SLC38A10: variants seen among roughly 807,000 people sequenced by gnomAD.
The protein encoded by SLC38A10 is solute carrier family 38 member 10, also known as Sodium-coupled neutral amino acid transporter 10.
In SLC38A10, 53 loss-of-function variants were observed where a neutral mutation model predicts 81.0. The ratio of observed to expected loss-of-function variants is 0.65; its 90% CI spans 0.53 to 0.82. The LOEUF is 0.82. SLC38A10 is among the 40% of genes least tolerant of loss of function. The pLI is 0.00. For missense variants in SLC38A10, 1,471 were observed against 1,545.0 expected, an observed-to-expected ratio of 0.95 and a Z score of 0.80; for synonymous variants, 665 against 655.3, an observed-to-expected ratio of 1.01 and a Z score of -0.23.
Position 81,289,933 on chromosome 17 carries a change from C to T in SLC38A10, c.100-125G>A, listed in dbSNP as rs553535240. 4.2e-4 allele frequency: 300 copies of T among 721,106 alleles called. No individual in the cohort carries two copies. In the African/African-American group the frequency reaches 4.6e-3, roughly 11 times the overall value. 44.7% of individuals were successfully genotyped at this position (721,106 alleles called of 1,614,324 possible). On this transcript the variant is annotated intron_variant, in intron 1 of 15. Coordinates refer to ENST00000374759, the MANE Select transcript of SLC38A10 (RefSeq NM_001037984.3). The surrounding 1 kb of genome is among the most constrained non-coding windows in gnomAD (Gnocchi z 5.9). ...GCCCCGCTCCATCCCAGTCTCCTGC[C>T]GAACGCGACACTTCCTAGCACTGAA...
In SLC38A10 at chr17:81,246,550, C is replaced by T. The variant is rs770211477; in HGVS notation, c.2366G>A (p.Gly789Glu). Residue 789 changes from glycine to glutamate, a missense_variant, in exon 16 of 16, where the codon GGG becomes GAG. Gly to Glu is a moderately conservative substitution (Grantham distance 98). Coordinates refer to ENST00000374759, the MANE Select transcript of SLC38A10 (RefSeq NM_001037984.3). The part of the protein sequence containing the change: ...LPLDPVLRAP[G>E]GRPAPSQDLN... ...GTCCTGGGATGGAGCAGGGCGGCCCCCAGGAGCTCTGAGGACAGGGTCCAA... is the reference window on the plus strand; with the variant it reads ...GTCCTGGGATGGAGCAGGGCGGCCCTCAGGAGCTCTGAGGACAGGGTCCAA... 6.6e-7 allele frequency: 1 copy of T among 1,515,960 alleles called. No individual in the cohort carries two copies. Among genetic ancestry groups the T allele is most frequent in the Non-Finnish European group, 8.8e-7 (1 of 1,133,774 alleles). The allele number at this position is 1,515,960 out of a possible 1,614,324, so 93.9% of individuals were successfully genotyped here. A position where few individuals can be genotyped will look rare whatever the true frequency, so the allele number is the denominator to read the frequency against.
At chr17:81,293,855 A>C (rs1427468778) in intron 1 of SLC38A10, among the ~76,000 whole-genome samples, 3 of 152,220 alleles carry the variant, frequency 2.0e-5, no homozygotes, top group Admixed American at 2.0e-4. Flanking sequence ...TTCTTTTCCA[A>C]AGCACTAAAT....
rs1439626442 is a variant in SLC38A10, at chr17:81,253,809, C to T, written c.1289-569G>A. Among the ~76,000 whole-genome samples the T allele has an allele frequency of 7.1e-6, 1 of 140,586 alleles. No homozygotes were observed. The highest frequency in any genetic ancestry group is 7.0e-5 in the Admixed American group (1 of 14,210). The allele number at this position is 140,586 out of a possible 152,430, so 92.2% of individuals were successfully genotyped here. A position where few individuals can be genotyped will look rare whatever the true frequency, so the allele number is the denominator to read the frequency against. ...TCCCTACCACCATCACCATCATCAT[C>T]ACCGTCACCATCATCACCATCACCG... On this transcript the variant is annotated intron_variant, in intron 11 of 15. Coordinates refer to ENST00000374759, the MANE Select transcript of SLC38A10 (RefSeq NM_001037984.3). This position sits in a 1 kb window ranked among gnomAD's most constrained non-coding sequence, Gnocchi z 4.1.
chr17:81,283,166 C>T lies in SLC38A10; in HGVS notation c.357+243G>A, dbSNP rs1488144004. Among the ~76,000 whole-genome samples, 1 of 152,136 alleles carries T rather than the reference C, an allele frequency of 6.6e-6. No individual in the cohort carries two copies. Among genetic ancestry groups the T allele is most frequent in the Non-Finnish European group, 1.5e-5 (1 of 68,014 alleles). ...CTCTGCACTGTGCCCGGGTCTGAGGCTCCCCCACCCGCCCCTCATCTACAT... is the reference window on the plus strand; with the variant it reads ...CTCTGCACTGTGCCCGGGTCTGAGGTTCCCCCACCCGCCCCTCATCTACAT... On this transcript the variant is annotated intron_variant, in intron 4 of 15. Coordinates refer to ENST00000374759, the MANE Select transcript of SLC38A10 (RefSeq NM_001037984.3). This position sits in a 1 kb window ranked among gnomAD's most constrained non-coding sequence, Gnocchi z 4.7.
At chr17:81,260,641 G>A (rs2063014116) in intron 10 of SLC38A10, among the ~76,000 whole-genome samples, 1 of 152,250 alleles carries the variant, frequency 6.6e-6, no homozygotes, top group African/African-American at 2.4e-5. Context: ...GAGCCCTGAT[G>A]CGCCGCTGCC....
intron 14 of SLC38A10, among the ~76,000 whole-genome samples, chr17:81,249,255 A>AGAG (rs72372023): frequency 0.99 from 8,541 of 8,656 alleles, 4,236 homozygotes; most frequent in Middle Eastern, 1. Context: ...AGGTGGGGGA[A>AGAG]GAGGAGGAGG....
rs764525051 is a variant in SLC38A10 at position 81,277,923 on chromosome 17, G to C, written c.627-790C>G. Among the ~76,000 whole-genome samples, 1 of 152,182 alleles carries C rather than the reference G, an allele frequency of 6.6e-6. No individual in the cohort carries two copies. Among genetic ancestry groups the C allele is most frequent in the Non-Finnish European group, 1.5e-5 (1 of 68,032 alleles). ...GAGCTGCTCTGCCATGGGGCTGAAC[G>C]AGGACTCTGGAGTGGGAGTCCAGGG... is the stretch of plus-strand genomic sequence containing the variant. On this transcript the variant is annotated intron_variant, in intron 6 of 15. Coordinates refer to ENST00000374759, the MANE Select transcript of SLC38A10 (RefSeq NM_001037984.3). The surrounding 1 kb of genome is among the most constrained non-coding windows in gnomAD (Gnocchi z 4.5).
At chr17:81,268,760 AAAT>A (rs2063090897) in intron 10 of SLC38A10, among the ~76,000 whole-genome samples, 1 of 145,748 alleles carries the variant, frequency 6.9e-6, no homozygotes, top group East Asian at 1.9e-4. Context: ...CATATGAGAC[AAAT>A]AATAGGACAT....
intron 10 of SLC38A10, among the ~76,000 whole-genome samples, chr17:81,260,921 C>T (rs1320100142): frequency 2.0e-5 from 3 of 152,394 alleles, no homozygotes; most frequent in South Asian, 2.1e-4. Flanking sequence ...CTGCACAACC[C>T]GCAAGGCTGG....
At chr17:81,262,463 G>T (rs1035128647) in intron 10 of SLC38A10, among the ~76,000 whole-genome samples, 4 of 152,202 alleles carry the variant, frequency 2.6e-5, no homozygotes, top group African/African-American at 9.7e-5. Flanking sequence ...GCATACCCTC[G>T]CCTCGTCCCG....
intron 2 of SLC38A10, 76 bp from the exon 3 acceptor site, chr17:81,284,971 T>C: frequency 7.3e-7 from 1 of 1,377,348 alleles, no homozygotes; most frequent in Non-Finnish European, 9.8e-7. Context: ...TGAGCCAAGC[T>C]GTCAAGGGCG....
chr17:81,280,817 G>T lies in SLC38A10; in HGVS notation c.502-84C>A, dbSNP rs566401412. The T allele has an allele frequency of 8.6e-6, 13 of 1,507,120 alleles. 1 individual carries two copies. In the South Asian group the frequency reaches 1.7e-4, roughly 20 times the overall value. 93.4% of individuals were successfully genotyped at this position (1,507,120 alleles called of 1,614,324 possible). A position where few individuals can be genotyped will look rare whatever the true frequency, so the allele number is the denominator to read the frequency against. On this transcript the variant is annotated intron_variant, in intron 5 of 15. Coordinates refer to ENST00000374759, the MANE Select transcript of SLC38A10 (RefSeq NM_001037984.3). ...TCCCGGCCCACGCGCCGCTAGGAAG[G>T]AGTGGCAGGAGAGTGCAGCTCTTCC...
intron 2 of SLC38A10, 21 bp from the exon 3 acceptor site, chr17:81,284,916 A>C: frequency 6.5e-7 from 1 of 1,542,026 alleles, no homozygotes; most frequent in Non-Finnish European, 8.8e-7. Flanking sequence ...AGAAAAAGGA[A>C]CACTCAATCC....
rs762295813 is a variant in SLC38A10 at position 81,245,941 on chromosome 17, T to TC, written c.2974dup (p.Asp992GlyfsTer84). ...CTGCTCGTGGGACACAGGCACATGG[T>TC]CCCCCCCGCGGGCCTTTCTCATCTC... is the stretch of plus-strand genomic sequence containing the variant. On this transcript the variant is annotated frameshift_variant, in exon 16 of 16. Coordinates refer to ENST00000374759, the MANE Select transcript of SLC38A10 (RefSeq NM_001037984.3). LOFTEE classifies it low-confidence loss of function (END_TRUNC). 21 of 1,607,314 alleles carry TC rather than the reference T, an allele frequency of 1.3e-5. No homozygotes were observed. Among genetic ancestry groups the TC allele is most frequent in the South Asian group, 3.3e-5 (3 of 90,654 alleles).
intron 11 of SLC38A10, among the ~76,000 whole-genome samples, chr17:81,259,721 C>T (rs954737682): frequency 6.6e-6 from 1 of 152,160 alleles, no homozygotes; most frequent in Non-Finnish European, 1.5e-5. Context: ...GACGGAGGGT[C>T]GAGGTTACAG....
intron 8 of SLC38A10, 63 bp downstream of exon 8, chr17:81,275,906 G>C: frequency 1.3e-6 from 2 of 1,511,386 alleles, no homozygotes; most frequent in South Asian, 2.6e-5. Flanking sequence ...GACAGCTGGG[G>C]GCTTATGGGA....
chr17:81,292,519 C>T (rs1306710573), intron 1 of SLC38A10, among the ~76,000 whole-genome samples: 3 of 152,126 alleles, frequency 2.0e-5, no homozygotes, highest in Admixed American at 6.5e-5. Flanking sequence ...ACTAAACACA[C>T]ACATCCCCAA....
Position 81,272,736 on chromosome 17 carries a change from G to A in SLC38A10, c.913-109C>T, listed in dbSNP as rs754940744. 45 of 699,762 alleles carry A rather than the reference G, an allele frequency of 6.4e-5. 1 individual carries two copies. Among genetic ancestry groups the A allele is most frequent in the South Asian group, 3.3e-4 (15 of 45,770 alleles). 43.3% of individuals were successfully genotyped at this position (699,762 alleles called of 1,614,324 possible). ...CCAGGCACACCAGGCACATCTCCAC[G>A]TGAGGCCGGCCGCGCACTCACCTGG... On this transcript the variant is annotated intron_variant, in intron 8 of 15. Transcript: ENST00000374759.
chr17:81,249,922 G>C, intron 14 of SLC38A10: 1 of 580,546 alleles, frequency 1.7e-6, no homozygotes, highest in Middle Eastern at 4.6e-4. Context: ...GGCTGTGGCT[G>C]AGCCTGGGTG....
Sources: gnomAD v4.1 joint callset for allele counts (sites outside exome capture counted in the v4.1 genomes callset) on GRCh38, gnomAD v4.1.1 for gene constraint, Gnocchi (gnomAD v3.1) non-coding constraint, MANE v1.5 for transcripts, NCBI Gene and HGNC (gene_info 2026-07-23, HGNC 2026-07-21) for gene names.